Variants in MAMDC4 observed in about 807,000 individuals in gnomAD.
MAMDC4 encodes the protein MAM domain containing 4, also known as apical endosomal glycoprotein.
In MAMDC4, 168 loss-of-function variants were observed where a neutral mutation model predicts 153.3. The observed-to-expected ratio is 1.10, with a 90% CI of 0.97 to 1.25. The LOEUF (loss-of-function observed/expected upper bound fraction) is 1.25, where lower values mean the gene tolerates loss of function less well. Ranked by LOEUF, MAMDC4 falls within the 50% of genes most tolerant of loss-of-function variation. MAMDC4 has a pLI of 0.00. For missense variants in MAMDC4, 1,701 were observed against 1,542.8 expected, an observed-to-expected ratio of 1.10 and a Z score of -1.72; for synonymous variants, 744 against 651.5, an observed-to-expected ratio of 1.14 and a Z score of -2.16.
rs752133638 is a variant in MAMDC4, at chr9:136,853,294, G to C, written c.164G>C (p.Gly55Ala). Residue 55 changes from glycine (G) to alanine (A), a missense_variant, in exon 3 of 27, where the codon GGG (glycine) becomes GCG (alanine). Gly to Ala is a moderately conservative substitution (Grantham distance 60). Coordinates refer to ENST00000317446, the MANE Select transcript of MAMDC4 (RefSeq NM_206920.3). ...CSDEAQCGYHGASPTLGAPFA... is the reference protein window; with the variant it reads ...CSDEAQCGYHAASPTLGAPFA... ...CCACCCACTCTCCCAGGTTACCACG[G>C]GGCCTCGCCCACCCTGGGCGCCCCC... 2 of 1,603,220 alleles carry C rather than the reference G, an allele frequency of 1.2e-6. No homozygotes were observed. The highest frequency in any genetic ancestry group is 4.5e-5 in the East Asian group (2 of 44,642).
chr9:136,852,827 G>A (rs1848945170), intron 1 of MAMDC4, among the ~76,000 whole-genome samples: 1 of 152,192 alleles, frequency 6.6e-6, no homozygotes, highest in African/African-American at 2.4e-5. Context: ...CCAGTTCCCT[G>A]CTGGGCACTC....
intron 19 of MAMDC4, 80 bp from the exon 20 acceptor site, chr9:136,857,899 A>T: frequency 6.7e-7 from 1 of 1,484,686 alleles, no homozygotes; most frequent in Non-Finnish European, 8.9e-7. Context: ...TGCGCCCGCC[A>T]GGCTGGGAGC....
chr9:136,852,509 T>G (rs1271155680), intron 1 of MAMDC4, 47 bp downstream of exon 1: 1 of 1,594,454 alleles, frequency 6.3e-7, no homozygotes, highest in Non-Finnish European at 8.5e-7. Context: ...GGGCCCTGGC[T>G]TCTGAGCCTA....
At chr9:136,855,215 GA>G (rs1564386329) in intron 10 of MAMDC4, 38 bp from the exon 11 acceptor site, 1 of 1,577,804 alleles carries the variant, frequency 6.3e-7, no homozygotes, top group Admixed American at 1.8e-5. Flanking sequence ...ACCCCAGGGG[GA>G]AATAGGCTGG....
rs775047016 is a variant in MAMDC4 at position 136,858,558 on chromosome 9, C to G, written c.2821+12C>G. 1 of 1,564,828 alleles carries G rather than the reference C, an allele frequency of 6.4e-7. No individual in the cohort carries two copies. The highest frequency in any genetic ancestry group is 1.2e-5 in the South Asian group (1 of 85,686). The stretch of plus-strand genomic sequence containing the variant: ...GGGCACAGAGGCAGGTACGTGCCCA[C>G]TGGAGCCAGGTGGGGAGGCACACAC... On this transcript the variant is annotated intron_variant, in intron 22 of 26. Transcript: ENST00000317446.
intron 24 of MAMDC4, 29 bp downstream of exon 24, chr9:136,859,161 C>T (rs776187193): frequency 6.9e-6 from 11 of 1,588,514 alleles, no homozygotes; most frequent in African/African-American, 2.7e-5. Flanking sequence ...AAGGAGCCTC[C>T]TCCTCCTCCA....
At chr9:136,853,031 A>C in intron 1 of MAMDC4, 71 bp from the exon 2 acceptor site, 1 of 1,331,614 alleles carries the variant, frequency 7.5e-7, no homozygotes, top group Middle Eastern at 2.1e-4. Flanking sequence ...GCTAAAACTG[A>C]ATAGTCCTAG....
Position 136,855,818 on chromosome 9 carries a change from G to A in MAMDC4, c.1558G>A (p.Glu520Lys). The change falls in exon 13 of 27, where the codon GAG becomes AAG. Residue 520 changes from glutamate (E) to lysine (K), a missense_variant. Physicochemically the swap from Glu to Lys is moderately conservative, Grantham distance 56. Transcript: ENST00000317446. ...GCAGTGGCGGCGTGTCTCAGCCCAG[G>A]AGAGCCAGGGGTCCAGTGCAGCTGC... ...RLQWRRVSAQESQGSSAAAAG... is the reference protein window; with the variant it reads ...RLQWRRVSAQKSQGSSAAAAG... The A allele has an allele frequency of 2.0e-6, 3 of 1,532,286 alleles. No individual in the cohort carries two copies. The highest frequency in any genetic ancestry group is 2.6e-6 in the Non-Finnish European group (3 of 1,138,926). The allele number at this position is 1,532,286 out of a possible 1,614,324, so 94.9% of individuals were successfully genotyped here.
chr9:136,858,165 G>A, intron 20 of MAMDC4, 21 bp from the exon 21 acceptor site: 1 of 1,561,968 alleles, frequency 6.4e-7, no homozygotes, highest in Non-Finnish European at 8.6e-7. Context: ...CGCTGAGGCT[G>A]CCCTGCCCTG....
intron 26 of MAMDC4, 41 bp downstream of exon 26, chr9:136,860,105 T>C: frequency 2.0e-6 from 3 of 1,505,190 alleles, no homozygotes; most frequent in Non-Finnish European, 2.7e-6. Context: ...GCCTCTGTGC[T>C]CAGCTGTGAC....
intron 26 of MAMDC4, 87 bp downstream of exon 26, chr9:136,860,151 G>T: frequency 7.1e-7 from 1 of 1,404,432 alleles, no homozygotes; most frequent in East Asian, 2.5e-5. Flanking sequence ...ACAACCCCCC[G>T]GGGAGGAGCC....
At position 136,853,463 on chromosome 9, in the gene MAMDC4, G is replaced by A. The variant is rs778769893; in HGVS notation, c.328+5G>A. The A allele has an allele frequency of 1.2e-6, 2 of 1,605,948 alleles. No individual in the cohort carries two copies. Among genetic ancestry groups the A allele is most frequent in the South Asian group, 2.2e-5 (2 of 90,598 alleles). ...ACACACTGGGCACCGACTTGGGTGAGGCCAGGGCAAGTCTCTGTGCGCCCC... is the reference window on the plus strand; with the variant it reads ...ACACACTGGGCACCGACTTGGGTGAAGCCAGGGCAAGTCTCTGTGCGCCCC... On this transcript the variant is annotated splice_donor_5th_base_variant and intron_variant, in intron 3 of 26. Transcript: ENST00000317446.
In MAMDC4 at chr9:136,857,196, G is replaced by A. The variant is rs971515500; in HGVS notation, c.2004G>A (p.Gly668=). ...TGCGCCTAGCCATGAGACGGGAAGG[G>A]GAGGAGACACACCTGTGGTCGCGGT... The part of the protein sequence containing the change: ...GTLRLAMRRE[G]EETHLWSRSG... Residue 668 remains glycine, a synonymous_variant, in exon 17 of 27, where the codon GGG becomes GGA. Transcript: ENST00000317446. 3.1e-6 allele frequency: 5 copies of A among 1,612,296 alleles called. No homozygotes were observed. The Admixed American group carries it at 5.0e-5, about 16-fold the overall frequency.
chr9:136,852,560 A>G, intron 1 of MAMDC4, 98 bp downstream of exon 1: 1 of 1,446,734 alleles, frequency 6.9e-7, no homozygotes, highest in Non-Finnish European at 9.6e-7. Context: ...CTGATGCCTG[A>G]GCCCCAAAGG....
chr9:136,853,060 T>A (rs1238939000), intron 1 of MAMDC4, 42 bp from the exon 2 acceptor site: 1 of 1,562,526 alleles, frequency 6.4e-7, no homozygotes, highest in Non-Finnish European at 8.8e-7. Context: ...GGATGGCTGG[T>A]CACCCTGCCC....
In MAMDC4 at chr9:136,860,111, G is replaced by A. The variant is rs199940961; in HGVS notation, c.3372+47G>A. On this transcript the variant is annotated intron_variant, in intron 26 of 26. Coordinates refer to ENST00000317446, the MANE Select transcript of MAMDC4 (RefSeq NM_206920.3). ...TGGGCAGGAGCCTCTGTGCTCAGCT[G>A]TGACGCTGGAGGGCGGGCAGTGGCG... 5 of 1,496,526 alleles carry A rather than the reference G, an allele frequency of 3.3e-6. No individual in the cohort carries two copies. In the African/African-American group the frequency reaches 7.0e-5, roughly 21 times the overall value. 92.7% of individuals were successfully genotyped at this position (1,496,526 alleles called of 1,614,324 possible). A position where few individuals can be genotyped will look rare whatever the true frequency, so the allele number is the denominator to read the frequency against.
chr9:136,853,434 G>C lies in MAMDC4; in HGVS notation c.304G>C (p.Asp102His), dbSNP rs1848956373. 1 of 1,602,690 alleles carries C rather than the reference G, an allele frequency of 6.2e-7. No homozygotes were observed. The highest frequency in any genetic ancestry group is 1.1e-5 in the South Asian group (1 of 90,314). Residue 102 changes from aspartate (D) to histidine (H), a missense_variant, in exon 3 of 27, where the codon GAC becomes CAC. Physicochemically the swap from Asp to His is moderately conservative, Grantham distance 81 (BLOSUM62 -1). Transcript: ENST00000317446. ...ACTGGAGGGTCCTGGGCCTCACTCA[G>C]ACCACACACTGGGCACCGACTTGGG... ...AALEGPGPHSDHTLGTDLGWY... is the reference protein window; with the variant it reads ...AALEGPGPHSHHTLGTDLGWY...
intron 1 of MAMDC4, among the ~76,000 whole-genome samples, chr9:136,852,847 G>A (rs1281429395): frequency 6.6e-6 from 1 of 152,144 alleles, no homozygotes; most frequent in African/African-American, 2.4e-5. Context: ...CTGGGTTCCT[G>A]CTACCTTTCT....
rs761287324 is a variant in MAMDC4 at position 136,859,312 on chromosome 9, G to A, written c.3188G>A (p.Ser1063Asn). 6.2e-7 allele frequency: 1 copy of A among 1,609,862 alleles called. No individual in the cohort carries two copies. The highest frequency in any genetic ancestry group is 1.1e-5 in the South Asian group (1 of 90,722). The change falls in exon 25 of 27, where the codon AGC (serine) becomes AAC (asparagine). Residue 1063 changes from serine (S) to asparagine (N), a missense_variant. Transcript: ENST00000317446. Reference protein sequence around the residue: ...AGQHCQQPAPSPGNTAAPGSV... With the variant: ...AGQHCQQPAPNPGNTAAPGSV... ...CAGCATTGCCAGCAGCCTGCCCCCA[G>A]CCCGGGTGAGCCCTGGGCTGCAGTG... is the stretch of plus-strand genomic sequence containing the variant.
Sources: allele counts gnomAD v4.1 joint callset (sites outside exome capture counted in the v4.1 genomes callset), GRCh38; gene constraint gnomAD v4.1.1; transcripts MANE v1.5; gene names NCBI Gene and HGNC (gene_info 2026-07-23, HGNC 2026-07-21).